GRM3: variants seen among roughly 807,000 people sequenced by gnomAD.
GRM3 encodes the protein metabotropic glutamate receptor 3.
GRM3 carries 26 observed loss-of-function variants against 70.5 expected under a neutral mutation model. The observed-to-expected ratio is 0.37, with a 90% CI of 0.27 to 0.51. GRM3 has a LOEUF of 0.51. Ranked by LOEUF, GRM3 falls within the 20% of genes least tolerant of loss-of-function variation. GRM3 has a pLI of 0.93. For missense variants in GRM3, 859 were observed against 1,123.8 expected, an observed-to-expected ratio of 0.76 and a Z score of 3.37; for synonymous variants, 443 against 434.9, an observed-to-expected ratio of 1.02 and a Z score of -0.23.
At chr7:86,699,847 C>T (rs1050856884) in intron 1 of GRM3, among the ~76,000 whole-genome samples, 15 of 152,002 alleles carry the variant, frequency 9.9e-5, no homozygotes, top group African/African-American at 3.4e-4. Context: ...AATAAAAGGT[C>T]ACACTTGTTA....
At chr7:86,785,786 T>C (rs1584242379) in intron 2 of GRM3, among the ~76,000 whole-genome samples, 1 of 146,722 alleles carries the variant, frequency 6.8e-6, no homozygotes, top group Middle Eastern at 3.6e-3. Flanking sequence ...AATTAAACTC[T>C]TTCAGAGACT....
At chr7:86,782,062 G>T (rs1249297540) in intron 2 of GRM3, among the ~76,000 whole-genome samples, 1 of 152,106 alleles carries the variant, frequency 6.6e-6, no homozygotes, top group African/African-American at 2.4e-5. Context: ...TCCTCGTTCA[G>T]TTCTAAGTGT....
intron 1 of GRM3, among the ~76,000 whole-genome samples, chr7:86,676,076 A>T (rs892806436): frequency 1.3e-5 from 2 of 152,002 alleles, no homozygotes; most frequent in Admixed American, 6.6e-5. Flanking sequence ...AAACAAAAAA[A>T]AACCAAAAAT....
intron 4 of GRM3, 81 bp from the exon 5 acceptor site, chr7:86,850,289 G>T: frequency 1.1e-6 from 1 of 876,216 alleles, no homozygotes; most frequent in Middle Eastern, 3.4e-4. Context: ...TTTTCATTTT[G>T]GTCTTATTTC....
chr7:86,738,975 G>T (rs190077878), intron 1 of GRM3, among the ~76,000 whole-genome samples: 2 of 151,992 alleles, frequency 1.3e-5, no homozygotes, highest in Non-Finnish European at 2.9e-5. Flanking sequence ...TGTACACCAG[G>T]TCTCTTTTTG....
At chr7:86,739,098 C>T (rs1345529662) in intron 1 of GRM3, among the ~76,000 whole-genome samples, 3 of 152,162 alleles carry the variant, frequency 2.0e-5, no homozygotes, top group Non-Finnish European at 4.4e-5. Flanking sequence ...CTGCCTCAGT[C>T]TCCCAAGTAG....
In GRM3 at chr7:86,839,489, C is replaced by A. The variant is rs377052357; in HGVS notation, c.1975C>A (p.Leu659Met). 2 of 1,610,210 alleles carry A rather than the reference C, an allele frequency of 1.2e-6. No individual in the cohort carries two copies. Among genetic ancestry groups the A allele is most frequent in the Non-Finnish European group, 1.7e-6 (2 of 1,177,844 alleles). Residue 659 changes from leucine (L) to methionine (M), a missense_variant, in exon 4 of 6, where the codon CTG (leucine) becomes ATG (methionine). Physicochemically the swap from Leu to Met is conservative, Grantham distance 15. Transcript: ENST00000361669. The surrounding 1 kb of genome is among the most constrained non-coding windows in gnomAD (Gnocchi z 4.5). ...TTCCTTCGCTATCTGTTACTCAGCC[C>A]TGCTGACCAAGACAAACTGCATTGC... Reference protein sequence around the residue: ...GSSFAICYSALLTKTNCIARI... With the variant: ...GSSFAICYSAMLTKTNCIARI...
At chr7:86,729,645 C>T (rs1043944129) in intron 1 of GRM3, among the ~76,000 whole-genome samples, 4 of 152,112 alleles carry the variant, frequency 2.6e-5, no homozygotes, top group Admixed American at 6.5e-5. Flanking sequence ...TATGTACATA[C>T]ACAAACTTTT....
intron 1 of GRM3, among the ~76,000 whole-genome samples, chr7:86,657,922 T>C (rs1287705284): frequency 3.9e-5 from 6 of 152,216 alleles, no homozygotes; most frequent in Non-Finnish European, 7.4e-5. Flanking sequence ...GCATGCTGCA[T>C]AAAATCCTTA....
chr7:86,742,379 A>C (rs757860542), intron 1 of GRM3, among the ~76,000 whole-genome samples: 4 of 152,128 alleles, frequency 2.6e-5, no homozygotes, highest in Non-Finnish European at 4.4e-5. Context: ...AATATACTCT[A>C]TCTCTTTTTT....
At chr7:86,863,693 A>G (rs985763975) in intron 5 of GRM3, among the ~76,000 whole-genome samples, 4 of 152,212 alleles carry the variant, frequency 2.6e-5, no homozygotes, top group African/African-American at 9.6e-5. Context: ...TCATCCCTGT[A>G]TAGACAGAAC....
At position 86,706,406 on chromosome 7, in the gene GRM3, G is replaced by A. The variant is rs802472; in HGVS notation, c.-140-58600G>A. On this transcript the variant is annotated intron_variant, in intron 1 of 5. Coordinates refer to ENST00000361669, the MANE Select transcript of GRM3 (RefSeq NM_000840.3). ...CTTTACAATCTAAAAGAACAGAGAG[G>A]ATAGACACACAATAGACCACATATG... Among the ~76,000 whole-genome samples, 49 of 152,126 alleles carry A rather than the reference G, an allele frequency of 3.2e-4. 1 individual carries two copies. The highest frequency in any genetic ancestry group is 1.1e-3 in the African/African-American group (47 of 41,536).
At chr7:86,688,815 G>GATATAT (rs369715120) in intron 1 of GRM3, among the ~76,000 whole-genome samples, 10 of 141,638 alleles carry the variant, frequency 7.1e-5, no homozygotes, top group African/African-American at 2.3e-4. Flanking sequence ...TCACACATAT[G>GATATAT]ATATATATAT....
chr7:86,696,061 C>T (rs750252209), intron 1 of GRM3, among the ~76,000 whole-genome samples: 1 of 152,134 alleles, frequency 6.6e-6, no homozygotes, highest in Non-Finnish European at 1.5e-5. Flanking sequence ...ACTTGCTACT[C>T]CTCTACAAGT....
Position 86,839,826 on chromosome 7 carries a change from T to C in GRM3, c.2312T>C (p.Ile771Thr). The change falls in exon 4 of 6, where the codon ATA becomes ACA. Residue 771 changes from isoleucine to threonine, a missense_variant. Transcript: ENST00000361669. This position sits in a 1 kb window ranked among gnomAD's most constrained non-coding sequence, Gnocchi z 4.5. ...GAAAATTTCAACGAAGCTAAGTTCA[T>C]AGGTTTTACCATGTACACCACGTGC... ...CPENFNEAKF[I>T]GFTMYTTCII... 6.2e-7 allele frequency: 1 copy of C among 1,614,090 alleles called. No homozygotes were observed. The highest frequency in any genetic ancestry group is 8.5e-7 in the Non-Finnish European group (1 of 1,179,938).
chr7:86,805,073 C>G (rs1319566287), intron 3 of GRM3, among the ~76,000 whole-genome samples: 2 of 152,056 alleles, frequency 1.3e-5, no homozygotes, highest in Non-Finnish European at 2.9e-5. Flanking sequence ...ATGATCACAC[C>G]ACTGCACTCC....
intron 3 of GRM3, among the ~76,000 whole-genome samples, chr7:86,828,079 T>C (rs1040836024): frequency 4.1e-5 from 5 of 121,334 alleles, no homozygotes; most frequent in African/African-American, 1.3e-4. Flanking sequence ...GCCACTGCAC[T>C]ACAGCCTGGG....
chr7:86,794,811 G>A (rs75501413), intron 3 of GRM3, among the ~76,000 whole-genome samples: 36 of 151,692 alleles, frequency 2.4e-4, no homozygotes, highest in East Asian at 7.7e-4. Flanking sequence ...ATTTGTTAAC[G>A]TGGCAGAGTC....
intron 1 of GRM3, among the ~76,000 whole-genome samples, chr7:86,651,558 C>T (rs1793606304): frequency 6.6e-6 from 1 of 152,122 alleles, no homozygotes; most frequent in African/African-American, 2.4e-5. Flanking sequence ...GTATAATTAA[C>T]TTTCTACTTT....
Sources: allele counts gnomAD v4.1 joint callset (sites outside exome capture counted in the v4.1 genomes callset), GRCh38; gene constraint gnomAD v4.1.1; non-coding constraint Gnocchi (gnomAD v3.1); transcripts MANE v1.5; gene names NCBI Gene and HGNC (gene_info 2026-07-23, HGNC 2026-07-21).